DENND5B: variants seen among roughly 807,000 people sequenced by gnomAD.
DENND5B encodes the protein DENN domain containing 5B, also known as DENN domain-containing protein 5B.
DENND5B carries 34 observed loss-of-function variants against 140.6 expected under a neutral mutation model. That is an observed-to-expected ratio of 0.24 (90% CI 0.18 to 0.32). The LOEUF is 0.32. Among genes scored for constraint, DENND5B ranks in the 10% least tolerant of loss-of-function variants. The pLI is 1.00. For missense variants in DENND5B, 1,142 were observed against 1,560.2 expected (o/e 0.73, Z 4.52); for synonymous variants, 551 against 562.1 (o/e 0.98, Z 0.28).
At chr12:31,420,602 C>A (rs1247422547) in intron 11 of DENND5B, among the ~76,000 whole-genome samples, 1 of 152,044 alleles carries the variant, frequency 6.6e-6, no homozygotes, top group Admixed American at 6.6e-5. Context: ...CACCACCATA[C>A]CTGGCTGACT....
chr12:31,556,003 C>G (rs1455101482), intron 1 of DENND5B, among the ~76,000 whole-genome samples: 5 of 152,240 alleles, frequency 3.3e-5, no homozygotes, highest in Admixed American at 3.3e-4. Flanking sequence ...CCTTGCGCTT[C>G]CCGGGTGAGG....
chr12:31,443,683 ACTT>A (rs1257726283), intron 6 of DENND5B: 1 of 152,234 alleles, frequency 6.6e-6, no homozygotes, highest in Non-Finnish European at 1.5e-5. Context: ...TATTAACTTT[ACTT>A]CTTTATACAA....
At chr12:31,546,333 C>CT (rs1948858939) in intron 1 of DENND5B, among the ~76,000 whole-genome samples, 1 of 152,078 alleles carries the variant, frequency 6.6e-6, no homozygotes, top group South Asian at 2.1e-4. Context: ...CTCTTAAATT[C>CT]TTTCTCCATT....
chr12:31,398,074 A>AAT (rs1941581165), intron 17 of DENND5B, 101 bp downstream of exon 17: 1 of 1,118,924 alleles, frequency 8.9e-7, no homozygotes, highest in Admixed American at 3.5e-5. Flanking sequence ...TCTTCTTTTT[A>AAT]AAATCTCCTC....
chr12:31,507,719 G>T (rs1481817996), intron 1 of DENND5B, among the ~76,000 whole-genome samples: 3 of 152,064 alleles, frequency 2.0e-5, no homozygotes, highest in African/African-American at 7.2e-5. Context: ...TAAATGTCAT[G>T]CGCTTGCCAG....
At position 31,524,845 on chromosome 12, in the gene DENND5B, C is replaced by G. The variant is rs1258300259; in HGVS notation, c.128-28926G>C. Among the ~76,000 whole-genome samples the G allele has an allele frequency of 2.0e-5, 3 of 152,204 alleles. No homozygotes were observed. In the East Asian group the frequency reaches 5.8e-4, roughly 29 times the overall value. On this transcript the variant is annotated intron_variant, in intron 1 of 20. Coordinates refer to ENST00000389082, the MANE Select transcript of DENND5B (RefSeq NM_144973.4). ...ACTCCTATCATCTGAGAGCCCTACT[C>G]TCTTTTACTGATTCTCTCACCATTT...
At chr12:31,449,301 T>C (rs1944406133) in intron 5 of DENND5B, among the ~76,000 whole-genome samples, 1 of 152,248 alleles carries the variant, frequency 6.6e-6, no homozygotes, top group Admixed American at 6.5e-5. Context: ...TTATTCACTT[T>C]AAGTAGTTCC....
At chr12:31,446,201 T>G (rs1217473667) in intron 6 of DENND5B, among the ~76,000 whole-genome samples, 2 of 151,992 alleles carry the variant, frequency 1.3e-5, no homozygotes, top group Non-Finnish European at 2.9e-5. Flanking sequence ...CAGGCGGGAG[T>G]GCAGTGGTGC....
intron 1 of DENND5B, among the ~76,000 whole-genome samples, chr12:31,507,749 A>T (rs1947259945): frequency 6.6e-6 from 1 of 152,206 alleles, no homozygotes; most frequent in Admixed American, 6.5e-5. Flanking sequence ...AATAATTTTT[A>T]TTATTCTGAA....
intron 1 of DENND5B, among the ~76,000 whole-genome samples, chr12:31,569,265 C>A (rs1000573377): frequency 3.3e-5 from 5 of 151,822 alleles, no homozygotes; most frequent in African/African-American, 1.2e-4. Flanking sequence ...GATGGAGTTT[C>A]ACCATGCTGC....
Position 31,495,795 on chromosome 12 carries a change from A to G in DENND5B, c.237+15T>C, listed in dbSNP as rs200271720. 4.8e-4 allele frequency: 140 copies of G among 293,626 alleles called. 2 individuals carry two copies. Among genetic ancestry groups the G allele is most frequent in the Non-Finnish European group, 1.2e-4 (25 of 200,922 alleles). The allele number at this position is 293,626 out of a possible 1,614,324, so 18.2% of individuals were successfully genotyped here. A position where few individuals can be genotyped will look rare whatever the true frequency, so the allele number is the denominator to read the frequency against. On this transcript the variant is annotated intron_variant, in intron 2 of 20. Coordinates refer to ENST00000389082, the MANE Select transcript of DENND5B (RefSeq NM_144973.4). ...ACAAGGCTAAAGAGTAAATGAGGGG[A>G]AAAAAAACACATACCATGTTCACCG...
chr12:31,530,742 G>A (rs1348599230), intron 1 of DENND5B, among the ~76,000 whole-genome samples: 1 of 152,174 alleles, frequency 6.6e-6, no homozygotes, highest in Non-Finnish European at 1.5e-5. Context: ...AATGAAAAGA[G>A]TCTCCAAAGA....
At chr12:31,583,278 T>G (rs1950268348) in intron 1 of DENND5B, among the ~76,000 whole-genome samples, 5 of 123,046 alleles carry the variant, frequency 4.1e-5, no homozygotes, top group East Asian at 2.4e-4. Flanking sequence ...GGCGACAGAG[T>G]GAGACTCAGT....
chr12:31,557,814 CAAAA>C (rs71445804), intron 1 of DENND5B, among the ~76,000 whole-genome samples: 817 of 80,976 alleles, frequency 0.01, 14 homozygotes, highest in African/African-American at 0.033. Flanking sequence ...GCTGTGGTGG[CAAAA>C]AAAAAAAAAA....
At chr12:31,447,860 C>A in intron 5 of DENND5B, 91 bp from the exon 6 acceptor site, 1 of 888,036 alleles carries the variant, frequency 1.1e-6, no homozygotes, top group Non-Finnish European at 1.7e-6. Context: ...TCAGGACATT[C>A]CTTTTTTAAA....
At chr12:31,439,915 G>C (rs1943953369) in intron 7 of DENND5B, among the ~76,000 whole-genome samples, 1 of 117,800 alleles carries the variant, frequency 8.5e-6, no homozygotes, top group African/African-American at 3.4e-5. Context: ...GGGCAACAGA[G>C]GGAGACTCCG....
intron 1 of DENND5B, among the ~76,000 whole-genome samples, chr12:31,552,876 G>A (rs1342446850): frequency 6.6e-6 from 1 of 152,202 alleles, no homozygotes; most frequent in African/African-American, 2.4e-5. Flanking sequence ...TAGTATCTCT[G>A]ATGGTAGTTT....
At chr12:31,449,953 G>C (rs944197987) in intron 5 of DENND5B, among the ~76,000 whole-genome samples, 1 of 151,938 alleles carries the variant, frequency 6.6e-6, no homozygotes. Flanking sequence ...GGATGGTCTC[G>C]ATCTCCTGAC....
intron 1 of DENND5B, chr12:31,535,178 T>C (rs770406327): frequency 4.4e-5 from 13 of 293,070 alleles, no homozygotes; most frequent in Non-Finnish European, 7.2e-5. Context: ...TTGCAAGTAC[T>C]GTGCAGGGGT....
Sources: allele counts gnomAD v4.1 joint callset (sites outside exome capture counted in the v4.1 genomes callset), GRCh38; gene constraint gnomAD v4.1.1; transcripts MANE v1.5; gene names NCBI Gene and HGNC (gene_info 2026-07-23, HGNC 2026-07-21).